IL13RA1: variants seen among roughly 807,000 people sequenced by gnomAD.
IL13RA1 encodes the protein interleukin-13 receptor subunit alpha-1.
IL13RA1 carries 14 observed loss-of-function variants against 33.8 expected under a neutral mutation model. That is an observed-to-expected ratio of 0.41 (90% confidence interval 0.27 to 0.65). IL13RA1 has a LOEUF of 0.65. IL13RA1 is among the 30% of genes least tolerant of loss of function. The pLI is 0.28. For missense variants in IL13RA1, 313 were observed against 327.0 expected (o/e 0.96, Z 0.33); for synonymous variants, 116 against 115.7 (o/e 1.00, Z -0.02).
At chrX:118,798,210 C>T (rs1347132684), downstream of IL13RA1, among the ~76,000 whole-genome samples, 2 of 111,580 alleles carry the variant, frequency 1.8e-5, no homozygotes, top group Non-Finnish European at 3.8e-5. Context: ...TAAATATTTT[C>T]GTTAAAATAG....
chrX:118,768,627 G>A (rs2017676024), intron 8 of IL13RA1, among the ~76,000 whole-genome samples: 1 of 112,097 alleles, frequency 8.9e-6, no homozygotes, highest in Non-Finnish European at 1.9e-5. Context: ...GGTCATGCTG[G>A]ATTAAAGTGG....
At position 118,765,475 on chromosome X, in the gene IL13RA1, A is replaced by G. The variant is rs151210035; in HGVS notation, c.829-1055A>G. 8.1e-3 allele frequency among the ~76,000 whole-genome samples: 899 copies of G among 110,989 alleles called. 14 individuals are homozygous for G. The highest frequency in any genetic ancestry group is 0.055 in the East Asian group (195 of 3,523). ...AACATTATGTTTATGAGATTCACCA[A>G]TGTTGTTTCTTATAGCTGTAGATGG... On this transcript the variant is annotated intron_variant, in intron 6 of 10. Coordinates refer to ENST00000371666, the MANE Select transcript of IL13RA1 (RefSeq NM_001560.3).
Position 118,741,002 on chromosome X carries a change from C to A in IL13RA1, c.89-15C>A, listed in dbSNP as rs1390609209. 2 of 1,068,003 alleles carry A rather than the reference C, an allele frequency of 1.9e-6. No individual in the cohort carries two copies. The highest frequency in any genetic ancestry group is 1.3e-6 in the Non-Finnish European group (1 of 772,631). 88.0% of individuals were successfully genotyped at this position (1,068,003 alleles called of 1,213,427 possible). A position where few individuals can be genotyped will look rare whatever the true frequency, so the allele number is the denominator to read the frequency against. ...TGTTGATAAATTCATTTTTTTTTGT[C>A]CTTGATTTGAACAGAAACTCAGCCA... On this transcript the variant is annotated splice_polypyrimidine_tract_variant and intron_variant, in intron 1 of 10. Coordinates refer to ENST00000371666, the MANE Select transcript of IL13RA1 (RefSeq NM_001560.3).
At chrX:118,780,803 A>G (rs1307848849) in intron 10 of IL13RA1, among the ~76,000 whole-genome samples, 1 of 112,075 alleles carries the variant, frequency 8.9e-6, no homozygotes, top group Admixed American at 9.5e-5. Flanking sequence ...AGGGACATAT[A>G]TCCAAACTGT....
chrX:118,764,000 A>G (rs754132478), intron 6 of IL13RA1, among the ~76,000 whole-genome samples: 1 of 110,804 alleles, frequency 9.0e-6, no homozygotes, highest in African/African-American at 3.3e-5. Flanking sequence ...CAGATTTTGA[A>G]CTCTGCTGCT....
chrX:118,796,446 T>G (rs557748357), downstream of IL13RA1, among the ~76,000 whole-genome samples: 8 of 112,970 alleles, frequency 7.1e-5, no homozygotes, highest in South Asian at 2.9e-3. Flanking sequence ...AAAAACATCT[T>G]ATTTCGCATT....
At chrX:118,772,608 C>G (rs981186201) in intron 8 of IL13RA1, among the ~76,000 whole-genome samples, 60 of 112,055 alleles carry the variant, frequency 5.4e-4, no homozygotes, top group African/African-American at 1.9e-3. Context: ...AAAAAAAACC[C>G]TATGTGATAT....
At chrX:118,772,350 T>C (rs2017732511) in intron 8 of IL13RA1, among the ~76,000 whole-genome samples, 1 of 112,750 alleles carries the variant, frequency 8.9e-6, no homozygotes, top group Admixed American at 9.3e-5. Flanking sequence ...TTTTTTATGT[T>C]TTCCAATGAG....
chrX:118,732,595 T>A (rs2017235086), intron 1 of IL13RA1, among the ~76,000 whole-genome samples: 1 of 100,122 alleles, frequency 1.0e-5, no homozygotes, highest in Non-Finnish European at 2.0e-5. Flanking sequence ...GATGTTCCCC[T>A]TCCTCTGTCC....
At position 118,761,204 on chromosome X, in the gene IL13RA1, A is replaced by C. The variant is rs1181309722; in HGVS notation, c.743A>C (p.Glu248Ala). 6 of 971,582 alleles carry C rather than the reference A, an allele frequency of 6.2e-6. No individual in the cohort carries two copies. In the South Asian group the frequency reaches 1.0e-4, roughly 16 times the overall value. The allele number at this position is 971,582 out of a possible 1,213,427, so 80.1% of individuals were successfully genotyped here. ...AATGATGACCTATATGTGCAATGGG[A>C]GAATCCACAGAATTTTATTAGCAGA... is the stretch of plus-strand genomic sequence containing the variant. Reference protein sequence around the residue: ...FHNDDLYVQWENPQNFISRCL... With the variant: ...FHNDDLYVQWANPQNFISRCL... Residue 248 changes from glutamate to alanine, a missense_variant, in exon 6 of 11, where the codon GAG becomes GCG. Physicochemically the swap from Glu to Ala is moderately radical, Grantham distance 107. Transcript: ENST00000371666.
At chrX:118,801,526 C>T in the IL13RA1 span, among the ~76,000 whole-genome samples, 58 of 112,047 alleles carry the variant, frequency 5.2e-4, no homozygotes, top group African/African-American at 1.5e-3. Context: ...CTGTAATTTT[C>T]GTATCTTTTT....
At chrX:118,801,054 T>G in the IL13RA1 span, among the ~76,000 whole-genome samples, 10 of 112,566 alleles carry the variant, frequency 8.9e-5, no homozygotes, top group Non-Finnish European at 1.9e-4. Context: ...CCTCCCAAAG[T>G]GCTGAGATTA....
downstream of IL13RA1, among the ~76,000 whole-genome samples, chrX:118,798,993 C>T (rs1255493273): frequency 1.9e-5 from 2 of 102,963 alleles, no homozygotes; most frequent in African/African-American, 7.3e-5. Flanking sequence ...GCGTGAGGCG[C>T]TTGTGGGCCA....
downstream of IL13RA1, among the ~76,000 whole-genome samples, chrX:118,795,833 T>G (rs935656905): frequency 5.3e-5 from 6 of 112,626 alleles, no homozygotes; most frequent in African/African-American, 9.7e-5. Flanking sequence ...TACTAACTTA[T>G]TAGTAGTTTT....
intron 10 of IL13RA1, among the ~76,000 whole-genome samples, chrX:118,780,315 A>G (rs2017828583): frequency 8.9e-6 from 1 of 112,464 alleles, no homozygotes; most frequent in Admixed American, 9.4e-5. Flanking sequence ...TGACATGTTT[A>G]ATTATTTCCC....
intron 10 of IL13RA1, 135 bp from the exon 11 acceptor site, chrX:118,791,621 CAAAAAA>C: frequency 4.6e-6 from 1 of 219,192 alleles, no homozygotes; most frequent in Non-Finnish European, 7.9e-6. Flanking sequence ...ATTCTTAGGT[CAAAAAA>C]AAAAAAAAAA....
At chrX:118,786,967 T>A (rs777409740) in intron 10 of IL13RA1, among the ~76,000 whole-genome samples, 11 of 112,418 alleles carry the variant, frequency 9.8e-5, no homozygotes, top group Non-Finnish European at 1.9e-4. Flanking sequence ...TAGGATGCCA[T>A]GTTGAGTCCG....
downstream of IL13RA1, among the ~76,000 whole-genome samples, chrX:118,795,211 C>CAAAAAAAAAAA (rs1222782237): frequency 1.5e-4 from 4 of 26,957 alleles, no homozygotes; most frequent in African/African-American, 6.3e-4. Flanking sequence ...GACTCCGTCT[C>CAAAAAAAAAAA]AAAAAAAAAA....
chrX:118,767,804 T>C (rs1310016233), intron 8 of IL13RA1, among the ~76,000 whole-genome samples: 1 of 111,501 alleles, frequency 9.0e-6, no homozygotes, highest in Non-Finnish European at 1.9e-5. Flanking sequence ...AACATTGTAA[T>C]CTTAAATGTG....
Sources: gnomAD v4.1 joint callset for allele counts (sites outside exome capture counted in the v4.1 genomes callset) on GRCh38, gnomAD v4.1.1 for gene constraint, MANE v1.5 for transcripts, NCBI Gene and HGNC (gene_info 2026-07-23, HGNC 2026-07-21) for gene names.